GBP1: variants seen among roughly 807,000 people sequenced by gnomAD.
The protein encoded by GBP1 is guanylate binding protein 1.
In GBP1, 64 loss-of-function variants were observed where a neutral mutation model predicts 69.5. The ratio of observed to expected loss-of-function variants is 0.92; its 90% CI spans 0.75 to 1.13. GBP1 has a LOEUF of 1.13. Ranked by LOEUF, GBP1 falls within the 50% of genes most tolerant of loss-of-function variation. The probability of loss-of-function intolerance (pLI) is 0.00; values close to 1 mark genes in which losing one functional copy is unlikely to be tolerated. For synonymous variants in GBP1, 250 were observed against 261.2 expected, an observed-to-expected ratio of 0.96 and a Z score of 0.41; for missense variants, 630 against 704.1, an observed-to-expected ratio of 0.89 and a Z score of 1.19.
At chr1:89,064,240 T>TGTGAGAGAGAGAGAGAGAGA (rs1243424526) in intron 1 of GBP1, among the ~76,000 whole-genome samples, 1 of 100,010 alleles carries the variant, frequency 1.0e-5, no homozygotes, top group African/African-American at 4.1e-5. Context: ...TGTGTGTGTG[T>TGTGAGAGAGAGAGAGAGAGA]GAGAGAGAGA....
intron 2 of GBP1, among the ~76,000 whole-genome samples, chr1:89,062,425 A>C (rs1254127921): frequency 6.6e-6 from 1 of 152,242 alleles, no homozygotes; most frequent in Non-Finnish European, 1.5e-5. Flanking sequence ...GAATGATTCC[A>C]CTTATATAAG....
chr1:89,061,330 T>C (rs534855628), intron 2 of GBP1, among the ~76,000 whole-genome samples: 1 of 152,102 alleles, frequency 6.6e-6, no homozygotes, highest in African/African-American at 2.4e-5. Context: ...TATAAACCAA[T>C]AGAATAGAAA....
At chr1:89,058,312 G>A (rs1379205694) in intron 5 of GBP1, 78 bp from the exon 6 acceptor site, 2 of 1,240,700 alleles carry the variant, frequency 1.6e-6, no homozygotes, top group Non-Finnish European at 2.2e-6. Flanking sequence ...AATATTTTAG[G>A]CTCTTCAGGC....
Position 89,058,874 on chromosome 1 carries a change from C to T in GBP1, c.598G>A (p.Glu200Lys), listed in dbSNP as rs1333624881. ...AGCTTCAGGGAGTATGTCAGGTACT[C>T]ATCTGGTGTGAGGGGTTGTCCATCT... ...EADGQPLTPD[E>K]YLTYSLKLKK... The change falls in exon 5 of 11, where the codon GAG (glutamate) becomes AAG (lysine). Residue 200 changes from glutamate to lysine, a missense_variant. Transcript: ENST00000370473. The T allele has an allele frequency of 1.2e-6, 2 of 1,614,090 alleles. No individual in the cohort carries two copies. Among genetic ancestry groups the T allele is most frequent in the African/African-American group, 2.7e-5 (2 of 74,928 alleles).
At chr1:89,053,513 A>G (rs1679970073) in intron 10 of GBP1, 45 bp from the exon 11 acceptor site, 2 of 1,583,504 alleles carry the variant, frequency 1.3e-6, no homozygotes, top group African/African-American at 1.4e-5. Context: ...AGCATCAGGC[A>G]AATTGAAACA....
At chr1:89,060,110 G>C (rs1217250101) in intron 3 of GBP1, 87 bp downstream of exon 3, 4 of 1,273,222 alleles carry the variant, frequency 3.1e-6, no homozygotes, top group Non-Finnish European at 3.2e-6. Context: ...ATTACAGCCT[G>C]TAGTTAATAG....
At chr1:89,053,759 A>G (rs1265889887) in intron 10 of GBP1, among the ~76,000 whole-genome samples, 1 of 152,244 alleles carries the variant, frequency 6.6e-6, no homozygotes, top group Non-Finnish European at 1.5e-5. Context: ...GGGGTAGCAG[A>G]AGACAGGTAA....
rs1479254800 is a variant in GBP1, at chr1:89,059,070, C to A, written c.429-27G>T. 4 of 1,613,618 alleles carry A rather than the reference C, an allele frequency of 2.5e-6. No homozygotes were observed. The Admixed American group carries it at 5.0e-5, about 20-fold the overall frequency. On this transcript the variant is annotated intron_variant, in intron 4 of 10. Transcript: ENST00000370473. ...TGAGTAGCTAACTAAGGAAATGTGA[C>A]AAAATGAACAGGGACCTCATCCCAT...
At chr1:89,058,760 G>T in intron 5 of GBP1, 81 bp downstream of exon 5, 1 of 1,497,648 alleles carries the variant, frequency 6.7e-7, no homozygotes, top group Non-Finnish European at 9.3e-7. Flanking sequence ...GCAAATGCTG[G>T]AAAACTAGCA....
rs1679999209 is a variant in GBP1, at chr1:89,054,666, T to C, written c.1665+16A>G. The C allele has an allele frequency of 1.9e-6, 3 of 1,605,764 alleles. No homozygotes were observed. The highest frequency in any genetic ancestry group is 1.3e-5 in the African/African-American group (1 of 74,754). ...AAACAGAAAAACAGAAACCTCAAGG[T>C]GATGCAATTAGATACCTGAAGTTTA... On this transcript the variant is annotated intron_variant, in intron 10 of 10. Coordinates refer to ENST00000370473, the MANE Select transcript of GBP1 (RefSeq NM_002053.3).
chr1:89,055,121 T>G lies in GBP1; in HGVS notation c.1463A>C (p.Glu488Ala). 1 of 1,608,588 alleles carries G rather than the reference T, an allele frequency of 6.2e-7. No homozygotes were observed. The highest frequency in any genetic ancestry group is 8.5e-7 in the Non-Finnish European group (1 of 1,178,238). ...CTTAACTCACTCCTCACCTTCAATC[T>G]CCTTTTCTTTTTCTGTGAGAGTCTG... ...TDQTLTEKEK[E>A]IEVERVKAES... The change falls in exon 9 of 11, where the codon GAG becomes GCG. Residue 488 changes from glutamate to alanine, a missense_variant. This residue lies in a region of GBP1 where 35 missense variants were observed against 68.6 expected (regional missense o/e 0.51). Coordinates refer to ENST00000370473, the MANE Select transcript of GBP1 (RefSeq NM_002053.3).
chr1:89,063,859 A>T (rs925101185), intron 1 of GBP1, among the ~76,000 whole-genome samples: 2 of 152,198 alleles, frequency 1.3e-5, no homozygotes, highest in African/African-American at 4.8e-5. Flanking sequence ...ACCATGTGAA[A>T]CACATGGCTA....
At position 89,058,221 on chromosome 1, in the gene GBP1, T is replaced by A. The variant is rs1392538551; in HGVS notation, c.645A>T (p.Lys215Asn). Reference sequence around the variant, plus strand: ...GTCTGGGCAGGTTAAAAGTTTCATCTTTTTGACTGGTACCTAGAAAAACAT... The same window carrying A: ...GTCTGGGCAGGTTAAAAGTTTCATCATTTTGACTGGTACCTAGAAAAACAT... ...SLKLKKGTSQ[K>N]DETFNLPRLC... The change falls in exon 6 of 11, where the codon AAA (lysine) becomes AAT (asparagine). Residue 215 changes from lysine to asparagine, a missense_variant. Transcript: ENST00000370473. The A allele has an allele frequency of 5.7e-6, 9 of 1,590,184 alleles. No individual in the cohort carries two copies. The highest frequency in any genetic ancestry group is 1.4e-5 in the African/African-American group (1 of 73,388).
Position 89,057,079 on chromosome 1 carries a change from C to T in GBP1, c.930G>A (p.Pro310=), listed in dbSNP as rs17487439. The stretch of plus-strand genomic sequence containing the variant: ...AGGCCAGGACTGCGTTCTCCATGCA[C>T]GGCAGATCCCCACTGCTGATGGCAT... ...YVNAISSGDL[P]CMENAVLALA... The change falls in exon 7 of 11, where the codon CCG becomes CCA. Residue 310 remains proline (P), a synonymous_variant. Transcript: ENST00000370473. The T allele has an allele frequency of 5.6e-5, 90 of 1,614,134 alleles. No homozygotes were observed. The highest frequency in any genetic ancestry group is 1.6e-4 in the Middle Eastern group (1 of 6,084).
chr1:89,059,536 C>CTTTTT (rs34279176), intron 3 of GBP1, 110 bp from the exon 4 acceptor site: 4 of 596,500 alleles, frequency 6.7e-6, no homozygotes, highest in Non-Finnish European at 1.0e-5. Context: ...TTTTTCTTTT[C>CTTTTT]TTTTTTTTTT....
chr1:89,056,331 G>T, intron 7 of GBP1, 103 bp from the exon 8 acceptor site: 3 of 1,580,292 alleles, frequency 1.9e-6, no homozygotes, highest in Non-Finnish European at 2.6e-6. Context: ...CAATGATGCT[G>T]GAGAAACTGA....
chr1:89,053,883 G>C (rs958321873), intron 10 of GBP1, among the ~76,000 whole-genome samples: 3 of 152,200 alleles, frequency 2.0e-5, no homozygotes, highest in African/African-American at 7.2e-5. Flanking sequence ...TCACACAGGT[G>C]TGAGGGTTAG....
At chr1:89,056,724 C>T in intron 7 of GBP1, 130 bp downstream of exon 7, 1 of 1,094,920 alleles carries the variant, frequency 9.1e-7, no homozygotes, top group East Asian at 2.4e-5. Flanking sequence ...GATGTGATCA[C>T]AAATCTGTTG....
Position 89,058,141 on chromosome 1 carries a change from A to AT in GBP1, c.724_725insA (p.Val242AspfsTer15), listed in dbSNP as rs1680093120. 1.2e-6 allele frequency: 2 copies of AT among 1,613,992 alleles called. No individual in the cohort carries two copies. Among genetic ancestry groups the AT allele is most frequent in the Non-Finnish European group, 1.7e-6 (2 of 1,180,000 alleles). ...GAGCTGGGCAAGCTTCCTGCGGTGA[A>AT]CGGGCCGATCAAAGACAAAGCATTT... On this transcript the variant is annotated frameshift_variant, in exon 6 of 11. Coordinates refer to ENST00000370473, the MANE Select transcript of GBP1 (RefSeq NM_002053.3). LOFTEE classifies it high-confidence loss of function.
Sources: gnomAD v4.1 joint callset for allele counts (sites outside exome capture counted in the v4.1 genomes callset) on GRCh38, gnomAD v4.1.1 for gene constraint, gnomAD v4.1.1 regional missense constraint, MANE v1.5 for transcripts, NCBI Gene and HGNC (gene_info 2026-07-23, HGNC 2026-07-21) for gene names.